The following KCNB2 variants were observed in gnomAD, a reference collection of about 807,000 sequenced individuals.
KCNB2 encodes delayed rectifier potassium channel protein.
KCNB2 carries 15 observed loss-of-function variants against 61.5 expected under a neutral mutation model. That is an observed-to-expected ratio of 0.24 (90% CI 0.16 to 0.38). KCNB2 has a LOEUF of 0.38. Among genes scored for constraint, KCNB2 ranks in the 10% least tolerant of loss-of-function variants. The pLI is 1.00. For synonymous variants in KCNB2, 457 were observed against 446.0 expected (o/e 1.02, Z -0.31); for missense variants, 828 against 1,125.2 (o/e 0.74, Z 3.78).
At chr8:72,912,550 A>G (rs568148115) in intron 2 of KCNB2, among the ~76,000 whole-genome samples, 4 of 149,352 alleles carry the variant, frequency 2.7e-5, no homozygotes, top group Non-Finnish European at 5.9e-5. Context: ...TAGGGTTTAT[A>G]TATCCTATAT....
intron 2 of KCNB2, among the ~76,000 whole-genome samples, chr8:72,798,108 T>A (rs142268217): frequency 6.6e-6 from 1 of 152,188 alleles, no homozygotes; most frequent in African/African-American, 2.4e-5. Flanking sequence ...ATAGCAATTC[T>A]GCATTTGCCG....
intron 2 of KCNB2, among the ~76,000 whole-genome samples, chr8:72,573,043 G>T (rs1206596828): frequency 6.6e-6 from 1 of 152,098 alleles, no homozygotes; most frequent in Non-Finnish European, 1.5e-5. Flanking sequence ...AGAGCCAGGG[G>T]TCCAAATTAT....
intron 2 of KCNB2, among the ~76,000 whole-genome samples, chr8:72,765,673 A>G: frequency 6.6e-6 from 1 of 152,242 alleles, no homozygotes; most frequent in East Asian, 1.9e-4. Context: ...TCAAATAATC[A>G]ATATACTGAT....
intron 2 of KCNB2, among the ~76,000 whole-genome samples, chr8:72,714,287 T>A (rs1807382236): frequency 6.6e-6 from 1 of 152,026 alleles, no homozygotes. Context: ...AGGCCAACAT[T>A]CAAATTCAGG....
intron 2 of KCNB2, among the ~76,000 whole-genome samples, chr8:72,809,467 A>G (rs1342752435): frequency 6.6e-6 from 1 of 152,090 alleles, no homozygotes; most frequent in African/African-American, 2.4e-5. Context: ...TCTCCCTGGA[A>G]CTCCTTGCAG....
At chr8:72,790,008 G>C (rs1468785828) in intron 2 of KCNB2, among the ~76,000 whole-genome samples, 1 of 152,156 alleles carries the variant, frequency 6.6e-6, no homozygotes, top group Non-Finnish European at 1.5e-5. Flanking sequence ...TCAAAGAATT[G>C]GGTGAAATAT....
intron 2 of KCNB2, among the ~76,000 whole-genome samples, chr8:72,652,788 A>G (rs933398898): frequency 3.3e-5 from 5 of 152,138 alleles, no homozygotes; most frequent in African/African-American, 1.2e-4. Context: ...GGACATTGCA[A>G]GCTTATTTTA....
At chr8:72,695,455 G>C (rs570762098) in intron 2 of KCNB2, among the ~76,000 whole-genome samples, 1 of 152,216 alleles carries the variant, frequency 6.6e-6, no homozygotes, top group South Asian at 2.1e-4. Flanking sequence ...AGAGTGACCT[G>C]TTTGTCCATG....
rs142155233 is a variant in KCNB2, at chr8:72,685,454, C to T, written c.579+117141C>T. 2.0e-3 allele frequency among the ~76,000 whole-genome samples: 297 copies of T among 152,176 alleles called. 3 individuals are homozygous for T. Among genetic ancestry groups the T allele is most frequent in the African/African-American group, 6.7e-3 (277 of 41,518 alleles). ...TGTACCATGTTGAATCGTACCAACA[C>T]GGTGCCTGTACTCTCGGTTTGCAGT... is the stretch of plus-strand genomic sequence containing the variant. On this transcript the variant is annotated intron_variant, in intron 2 of 2. Transcript: ENST00000523207.
intron 2 of KCNB2, among the ~76,000 whole-genome samples, chr8:72,613,928 G>T (rs1435731734): frequency 6.6e-6 from 1 of 152,162 alleles, no homozygotes; most frequent in Non-Finnish European, 1.5e-5. Flanking sequence ...AATACGCAGA[G>T]ATTATGGGTT....
intron 2 of KCNB2, among the ~76,000 whole-genome samples, chr8:72,717,909 C>A (rs1192269120): frequency 3.3e-5 from 5 of 151,962 alleles, no homozygotes; most frequent in Admixed American, 6.6e-5. Context: ...TTTGCAACCT[C>A]CTCATCTGAC....
intron 2 of KCNB2, among the ~76,000 whole-genome samples, chr8:72,737,110 T>G (rs1336526852): frequency 2.6e-5 from 4 of 152,068 alleles, no homozygotes; most frequent in African/African-American, 9.7e-5. Context: ...GACTGAAAAT[T>G]TACAGTTAGT....
rs188267146 is a variant in KCNB2 at position 72,582,604 on chromosome 8, G to A, written c.579+14291G>A. Among the ~76,000 whole-genome samples the A allele has an allele frequency of 1.6e-3, 236 of 152,228 alleles. 1 individual carries two copies. Among genetic ancestry groups the A allele is most frequent in the Middle Eastern group, 0.01 (3 of 294 alleles). On this transcript the variant is annotated intron_variant, in intron 2 of 2. Transcript: ENST00000523207. ...TTTGAAGATAGTCTGAAACAAATAA[G>A]TTCTTTTTAAAACTTGTACGATTTT...
intron 1 of KCNB2, among the ~76,000 whole-genome samples, chr8:72,564,346 A>G (rs1353426768): frequency 6.6e-6 from 1 of 152,202 alleles, no homozygotes; most frequent in Non-Finnish European, 1.5e-5. Context: ...AAAACCTCTT[A>G]TCTGATATTA....
chr8:72,706,701 A>T (rs1807231204), intron 2 of KCNB2, among the ~76,000 whole-genome samples: 1 of 152,254 alleles, frequency 6.6e-6, no homozygotes, highest in Admixed American at 6.5e-5. Context: ...ATAATAAAAA[A>T]TATGCTGATA....
chr8:72,921,689 T>G (rs1049035637), intron 2 of KCNB2, among the ~76,000 whole-genome samples: 1 of 152,176 alleles, frequency 6.6e-6, no homozygotes, highest in African/African-American at 2.4e-5. Flanking sequence ...ATTCCACTGG[T>G]GTAAGTGATT....
In KCNB2 at chr8:72,564,381, T is replaced by G. The variant is rs537785031; in HGVS notation, c.-93-3261T>G. Among the ~76,000 whole-genome samples the G allele has an allele frequency of 3.9e-5, 6 of 152,350 alleles. No homozygotes were observed. The East Asian group carries it at 9.6e-4, about 24-fold the overall frequency. ...ATAATCAGTTAAAAAATGATTTATCTTCTTCATGTTAGTATAAAACATGGT... is the reference window on the plus strand; with the variant it reads ...ATAATCAGTTAAAAAATGATTTATCGTCTTCATGTTAGTATAAAACATGGT... On this transcript the variant is annotated intron_variant, in intron 1 of 2. Transcript: ENST00000523207.
intron 2 of KCNB2, among the ~76,000 whole-genome samples, chr8:72,659,841 G>C (rs138231716): frequency 1.3e-5 from 2 of 152,276 alleles, no homozygotes; most frequent in East Asian, 3.9e-4. Flanking sequence ...TAGACATAAT[G>C]CTATTGCACA....
chr8:72,716,661 C>T lies in KCNB2; in HGVS notation c.579+148348C>T, dbSNP rs571788758. ...TAAATTAGGTATTGATGGGACGTAT[C>T]TCAAAATAATAAGAGCTATCTATGA... On this transcript the variant is annotated intron_variant, in intron 2 of 2. Coordinates refer to ENST00000523207, the MANE Select transcript of KCNB2 (RefSeq NM_004770.3). Among the ~76,000 whole-genome samples, 881 of 152,188 alleles carry T rather than the reference C, an allele frequency of 5.8e-3. 2 individuals carry two copies. Among genetic ancestry groups the T allele is most frequent in the Admixed American group, 9.9e-3 (151 of 15,276 alleles).
Sources: allele counts gnomAD v4.1 joint callset (sites outside exome capture counted in the v4.1 genomes callset), GRCh38; gene constraint gnomAD v4.1.1; transcripts MANE v1.5; gene names NCBI Gene and HGNC (gene_info 2026-07-23, HGNC 2026-07-21).